Variants in VPS33B observed in about 807,000 individuals in gnomAD.
The protein encoded by VPS33B is VPS33B late endosome and lysosome associated.
VPS33B carries 80 observed loss-of-function variants against 95.3 expected under a neutral mutation model. That is an observed-to-expected ratio of 0.84 (90% CI 0.70 to 1.01). The LOEUF is 1.01. Ranked by LOEUF, VPS33B falls within the 50% of genes least tolerant of loss-of-function variation. The pLI, the probability that VPS33B is intolerant of heterozygous loss-of-function variation, is 0.00. For synonymous variants in VPS33B, 280 were observed against 280.4 expected (o/e 1.00, Z 0.01); for missense variants, 715 against 773.4 (o/e 0.92, Z 0.90).
In VPS33B at chr15:91,006,184, G is replaced by C; in HGVS notation, c.853-125C>G. ...TACAAAGAAAGCTGAGCTGGGATCT[G>C]TAAGTCCATATCAAATGCCTACACC... On this transcript the variant is annotated intron_variant, in intron 11 of 22. Coordinates refer to ENST00000333371, the MANE Select transcript of VPS33B (RefSeq NM_018668.5). The surrounding 1 kb of genome is among the most constrained non-coding windows in gnomAD (Gnocchi z 5.4). The C allele has an allele frequency of 6.0e-6, 8 of 1,344,132 alleles. No individual in the cohort carries two copies. The highest frequency in any genetic ancestry group is 2.8e-5 in the African/African-American group (2 of 70,208). 83.3% of individuals were successfully genotyped at this position (1,344,132 alleles called of 1,614,324 possible).
chr15:91,001,127 C>A, intron 19 of VPS33B: 1 of 403,314 alleles, frequency 2.5e-6, no homozygotes. Flanking sequence ...ACCAGCCTGG[C>A]CAACATGGGG....
rs1015589941 is a variant in VPS33B at position 90,998,830 on chromosome 15, T to A, written c.*145A>T. The A allele has an allele frequency of 1.7e-5, 14 of 832,524 alleles. No individual in the cohort carries two copies. The highest frequency in any genetic ancestry group is 2.8e-5 in the Non-Finnish European group (14 of 491,572). 51.6% of individuals were successfully genotyped at this position (832,524 alleles called of 1,614,324 possible). ...GGAAGTGAACTCTTTTCTCAGATAA[T>A]GTTCTCTAAATCCCAACACGTTCCA... On this transcript the variant is annotated 3_prime_UTR_variant, in exon 23 of 23. Coordinates refer to ENST00000333371, the MANE Select transcript of VPS33B (RefSeq NM_018668.5). The surrounding 1 kb of genome is among the most constrained non-coding windows in gnomAD (Gnocchi z 4.8).
intron 19 of VPS33B, 76 bp downstream of exon 19, chr15:91,001,309 CAAAA>C (rs35353020): frequency 1.3e-3 from 982 of 769,696 alleles, no homozygotes; most frequent in Non-Finnish European, 1.5e-3. Flanking sequence ...GATTCCATCT[CAAAA>C]AAAAAAAAAA....
chr15:91,004,969 C>T, intron 15 of VPS33B, 38 bp from the exon 16 acceptor site: 2 of 1,614,218 alleles, frequency 1.2e-6, no homozygotes, highest in Non-Finnish European at 8.5e-7. Context: ...ATTGAAGCTT[C>T]ACAACACGTG....
Position 91,005,525 on chromosome 15 carries a change from T to C in VPS33B, c.1031-71A>G. The C allele has an allele frequency of 6.2e-7, 1 of 1,609,612 alleles. No homozygotes were observed. Among genetic ancestry groups the C allele is most frequent in the Admixed American group, 1.7e-5 (1 of 60,002 alleles). On this transcript the variant is annotated intron_variant, in intron 13 of 22. Transcript: ENST00000333371. The surrounding 1 kb of genome is among the most constrained non-coding windows in gnomAD (Gnocchi z 6.4). ...GATGTCCCTTTATTGTCCGGAAGAA[T>C]AAAAAACCTCCTAAGGCAAAATCCG...
intron 1 of VPS33B, 21 bp from the exon 2 acceptor site, chr15:91,017,906 TG>T (rs1407565110): frequency 1.2e-6 from 2 of 1,613,342 alleles, no homozygotes; most frequent in Non-Finnish European, 1.7e-6. Context: ...CACAATATGT[TG>T]GGTCACTCAC....
In VPS33B at chr15:91,009,799, A is replaced by T. The variant is rs769333468; in HGVS notation, c.403+2T>A. On this transcript the variant is annotated splice_donor_variant, in intron 6 of 22. Coordinates refer to ENST00000333371, the MANE Select transcript of VPS33B (RefSeq NM_018668.5). LOFTEE classifies it high-confidence loss of function. This position sits in a 1 kb window ranked among gnomAD's most constrained non-coding sequence, Gnocchi z 4.1. ...TTTCCACTCACATTCATCTCCTCTC[A>T]CCTCCATAGATTCCCTCTTCCTCAA... The T allele has an allele frequency of 9.3e-6, 15 of 1,613,916 alleles. No homozygotes were observed. The East Asian group carries it at 3.3e-4, about 36-fold the overall frequency.
chr15:91,007,695 A>G lies in VPS33B; in HGVS notation c.499-122T>C, dbSNP rs2040655938. 2.4e-6 allele frequency: 3 copies of G among 1,243,278 alleles called. No homozygotes were observed. The highest frequency in any genetic ancestry group is 2.4e-6 in the Non-Finnish European group (2 of 848,854). The allele number at this position is 1,243,278 out of a possible 1,614,324, so 77.0% of individuals were successfully genotyped here. A position where few individuals can be genotyped will look rare whatever the true frequency, so the allele number is the denominator to read the frequency against. ...CCTGGGGGATGCTTGAAAGGTTTTC[A>G]TTGGCTCCACAGGAAGTCCCACAGA... On this transcript the variant is annotated intron_variant, in intron 7 of 22. Transcript: ENST00000333371. This position sits in a 1 kb window ranked among gnomAD's most constrained non-coding sequence, Gnocchi z 5.3.
Position 91,000,661 on chromosome 15 carries a change from A to T in VPS33B, c.1480-70T>A, listed in dbSNP as rs2040411895. The T allele has an allele frequency of 2.9e-6, 4 of 1,362,308 alleles. No individual in the cohort carries two copies. Among genetic ancestry groups the T allele is most frequent in the South Asian group, 2.4e-5 (2 of 84,086 alleles). 84.4% of individuals were successfully genotyped at this position (1,362,308 alleles called of 1,614,324 possible). A position where few individuals can be genotyped will look rare whatever the true frequency, so the allele number is the denominator to read the frequency against. ...CCTAACCCTTTAAAGGGTCAGATAA[A>T]GTGGCATGGCCCAAGGAACAATTCT... On this transcript the variant is annotated intron_variant, in intron 19 of 22. Transcript: ENST00000333371. This position sits in a 1 kb window ranked among gnomAD's most constrained non-coding sequence, Gnocchi z 4.9.
At position 91,016,989 on chromosome 15, in the gene VPS33B, G is replaced by C; in HGVS notation, c.213C>G (p.Asn71Lys). 2.5e-6 allele frequency: 4 copies of C among 1,614,014 alleles called. No individual in the cohort carries two copies. The highest frequency in any genetic ancestry group is 3.4e-6 in the Non-Finnish European group (4 of 1,179,972). ...HEVDKLYKVENKPALSSNEQL... is the reference protein window; with the variant it reads ...HEVDKLYKVEKKPALSSNEQL... ...GTTCATTGGAGCTGAGGGCTGGCTTGTTCTCCACCTTGTATAGCTTGTCTA... is the reference window on the plus strand; with the variant it reads ...GTTCATTGGAGCTGAGGGCTGGCTTCTTCTCCACCTTGTATAGCTTGTCTA... Residue 71 changes from asparagine (N) to lysine (K), a missense_variant, in exon 3 of 23, where the codon AAC becomes AAG. Asn to Lys is a moderately conservative substitution (Grantham distance 94, BLOSUM62 0). Transcript: ENST00000333371.
chr15:91,014,412 G>A lies in VPS33B; in HGVS notation c.261C>T (p.Pro87=). The change falls in exon 4 of 23, where the codon CCC becomes CCT. Residue 87 remains proline (P), a synonymous_variant. Transcript: ENST00000333371. ...CAATGTATCGCATATTCTTGATGCG[G>A]GGTCTGACCAAGAAGCACAATCTAT... ...SNEQLCFLVR[P]RIKNMRYIAS... is the part of the protein sequence containing the mutation. The A allele has an allele frequency of 6.2e-7, 1 of 1,613,866 alleles. No individual in the cohort carries two copies. Among genetic ancestry groups the A allele is most frequent in the Non-Finnish European group, 8.5e-7 (1 of 1,179,974 alleles).
chr15:91,022,123 G>A, intron 1 of VPS33B, 31 bp downstream of exon 1: 1 of 1,551,506 alleles, frequency 6.4e-7, no homozygotes, highest in South Asian at 1.2e-5. Flanking sequence ...CTAAACTGTA[G>A]ATGCGATAAA....
chr15:91,009,716 G>A lies in VPS33B; in HGVS notation c.403+85C>T. ...GGAAAAGAAGGAGCTGGTGGTGGGG[G>A]TGGGGTGGGGGGGTTGGAGAACAAC... On this transcript the variant is annotated intron_variant, in intron 6 of 22. Transcript: ENST00000333371. The surrounding 1 kb of genome is among the most constrained non-coding windows in gnomAD (Gnocchi z 4.1). The A allele has an allele frequency of 9.2e-6, 13 of 1,412,542 alleles. No individual in the cohort carries two copies. The South Asian group carries it at 1.5e-4, about 16-fold the overall frequency. 87.5% of individuals were successfully genotyped at this position (1,412,542 alleles called of 1,614,324 possible).
At chr15:91,012,658 T>C (rs2151678025) in intron 5 of VPS33B, among the ~76,000 whole-genome samples, 1 of 152,328 alleles carries the variant, frequency 6.6e-6, no homozygotes, top group Non-Finnish European at 1.5e-5. Flanking sequence ...CACTACTTGC[T>C]GTAGCTTTAG....
chr15:91,005,541 G>A lies in VPS33B; in HGVS notation c.1031-87C>T. ...CCGGAAGAATAAAAAACCTCCTAAG[G>A]CAAAATCCGAAAGCACTTCTTCCCA... On this transcript the variant is annotated intron_variant, in intron 13 of 22. Coordinates refer to ENST00000333371, the MANE Select transcript of VPS33B (RefSeq NM_018668.5). The surrounding 1 kb of genome is among the most constrained non-coding windows in gnomAD (Gnocchi z 6.4). 4 of 1,600,146 alleles carry A rather than the reference G, an allele frequency of 2.5e-6. No individual in the cohort carries two copies. In the South Asian group the frequency reaches 3.3e-5, roughly 13 times the overall value.
At position 91,000,589 on chromosome 15, in the gene VPS33B, G is replaced by A. The variant is rs754592554; in HGVS notation, c.1482C>T (p.Ile494=). The change falls in exon 20 of 23, where the codon ATC becomes ATT. Residue 494 remains isoleucine (I), a splice_region_variant and synonymous_variant. Coordinates refer to ENST00000333371, the MANE Select transcript of VPS33B (RefSeq NM_018668.5). The surrounding 1 kb of genome is among the most constrained non-coding windows in gnomAD (Gnocchi z 4.9). ...GATCATACTCGCCGTCCACACGTGGGATCTGTAAGACAAAGGGACTTCATT... is the reference window on the plus strand; with the variant it reads ...GATCATACTCGCCGTCCACACGTGGAATCTGTAAGACAAAGGGACTTCATT... The part of the protein sequence containing the change: ...FRAISKKLNL[I]PRVDGEYDLK... 3 of 1,612,150 alleles carry A rather than the reference G, an allele frequency of 1.9e-6. No homozygotes were observed. Among genetic ancestry groups the A allele is most frequent in the South Asian group, 2.2e-5 (2 of 91,050 alleles).
intron 5 of VPS33B, among the ~76,000 whole-genome samples, chr15:91,012,712 C>A (rs1427539552): frequency 6.6e-6 from 1 of 152,162 alleles, no homozygotes; most frequent in Non-Finnish European, 1.5e-5. Context: ...GTCATTCCTC[C>A]CAATCACTGG....
At position 91,006,120 on chromosome 15, in the gene VPS33B, T is replaced by G. The variant is rs1249818445; in HGVS notation, c.853-61A>C. The G allele has an allele frequency of 2.5e-6, 4 of 1,578,868 alleles. No homozygotes were observed. The highest frequency in any genetic ancestry group is 3.5e-6 in the Non-Finnish European group (4 of 1,151,114). ...TCAGAACCATAACTTAGCAGTAGAATGACAGTACAGGAAGGGTACTCAGGT... is the reference window on the plus strand; with the variant it reads ...TCAGAACCATAACTTAGCAGTAGAAGGACAGTACAGGAAGGGTACTCAGGT... On this transcript the variant is annotated intron_variant, in intron 11 of 22. Coordinates refer to ENST00000333371, the MANE Select transcript of VPS33B (RefSeq NM_018668.5). This position sits in a 1 kb window ranked among gnomAD's most constrained non-coding sequence, Gnocchi z 5.4.
Position 91,007,672 on chromosome 15 carries a change from T to C in VPS33B, c.499-99A>G. 7.3e-7 allele frequency: 1 copy of C among 1,366,344 alleles called. No homozygotes were observed. Among genetic ancestry groups the C allele is most frequent in the Non-Finnish European group, 1.0e-6 (1 of 958,816 alleles). The allele number at this position is 1,366,344 out of a possible 1,614,324, so 84.6% of individuals were successfully genotyped here. A position where few individuals can be genotyped will look rare whatever the true frequency, so the allele number is the denominator to read the frequency against. Reference sequence around the variant, plus strand: ...AGCCCTGGAGCAGGGTGGCAGGGCCTGGGGGATGCTTGAAAGGTTTTCATT... The same window carrying C: ...AGCCCTGGAGCAGGGTGGCAGGGCCCGGGGGATGCTTGAAAGGTTTTCATT... On this transcript the variant is annotated intron_variant, in intron 7 of 22. Transcript: ENST00000333371. The surrounding 1 kb of genome is among the most constrained non-coding windows in gnomAD (Gnocchi z 5.3).
Sources: gnomAD v4.1 joint callset for allele counts (sites outside exome capture counted in the v4.1 genomes callset) on GRCh38, gnomAD v4.1.1 for gene constraint, Gnocchi (gnomAD v3.1) non-coding constraint, MANE v1.5 for transcripts, NCBI Gene and HGNC (gene_info 2026-07-23, HGNC 2026-07-21) for gene names.